The following LTBP1 variants were observed in gnomAD, a reference collection of about 807,000 sequenced individuals.
LTBP1 encodes the protein latent-transforming growth factor beta-binding protein 1.
A neutral mutation model predicts 207.6 loss-of-function variants in LTBP1; 129 were observed. The observed-to-expected ratio is 0.62, with a 90% confidence interval of 0.54 to 0.72. The LOEUF (loss-of-function observed/expected upper bound fraction) is 0.72, where lower values mean the gene tolerates loss of function less well. LTBP1 is among the 30% of genes least tolerant of loss of function. The pLI is 0.00. For synonymous variants in LTBP1, 963 were observed against 833.7 expected (o/e 1.16, Z -2.67); for missense variants, 2,281 against 2,217.2 (o/e 1.03, Z -0.58).
At chr2:33,365,849 A>G (rs1245791530) in intron 31 of LTBP1, among the ~76,000 whole-genome samples, 1 of 152,198 alleles carries the variant, frequency 6.6e-6, no homozygotes, top group African/African-American at 2.4e-5. Context: ...CATTCCTAAC[A>G]GTTTCTACTT....
At chr2:33,307,194 G>A (rs1480163625) in intron 22 of LTBP1, among the ~76,000 whole-genome samples, 1 of 152,208 alleles carries the variant, frequency 6.6e-6, no homozygotes. Flanking sequence ...TTTCCTGTGG[G>A]AATGTAATTG....
intron 3 of LTBP1, among the ~76,000 whole-genome samples, chr2:33,048,566 G>A (rs2076564424): frequency 1.3e-5 from 2 of 152,320 alleles, no homozygotes; most frequent in Non-Finnish European, 2.9e-5. Context: ...TTGTACTTAT[G>A]TTTACTTCTG....
At chr2:33,118,845 G>A (rs995370056) in intron 4 of LTBP1, among the ~76,000 whole-genome samples, 1 of 152,270 alleles carries the variant, frequency 6.6e-6, no homozygotes, top group East Asian at 1.9e-4. Flanking sequence ...GAAGCCGTAC[G>A]AACATGATTA....
intron 2 of LTBP1, among the ~76,000 whole-genome samples, chr2:32,950,875 T>TG (rs1454130913): frequency 6.6e-6 from 1 of 152,178 alleles, no homozygotes; most frequent in African/African-American, 2.4e-5. Context: ...TCAGGTTGCT[T>TG]GGGGAATTCG....
chr2:33,207,435 A>G (rs982714780), intron 7 of LTBP1, among the ~76,000 whole-genome samples: 1 of 152,208 alleles, frequency 6.6e-6, no homozygotes, highest in African/African-American at 2.4e-5. Context: ...AGAGGATTAT[A>G]GTTGTATCAG....
At chr2:33,328,171 T>TAAATAAATAAATAAAAA (rs1559019584) in intron 24 of LTBP1, among the ~76,000 whole-genome samples, 3 of 73,324 alleles carry the variant, frequency 4.1e-5, no homozygotes, top group Non-Finnish European at 8.8e-5. Context: ...ATAAATAAAA[T>TAAATAAATAAATAAAAA]AAAAATAAAA....
intron 20 of LTBP1, among the ~76,000 whole-genome samples, chr2:33,294,810 C>A (rs993684104): frequency 2.6e-5 from 4 of 151,694 alleles, no homozygotes; most frequent in Admixed American, 2.6e-4. Flanking sequence ...AACTCCTGAC[C>A]TTTTGATCCA....
intron 9 of LTBP1, among the ~76,000 whole-genome samples, chr2:33,223,360 C>T (rs1306014763): frequency 6.6e-6 from 1 of 152,176 alleles, no homozygotes; most frequent in African/African-American, 2.4e-5. Context: ...CTTTGAAAGA[C>T]TTTGTCTTAA....
At chr2:33,369,082 T>G (rs2095035176) in intron 31 of LTBP1, among the ~76,000 whole-genome samples, 1 of 151,984 alleles carries the variant, frequency 6.6e-6, no homozygotes, top group South Asian at 2.1e-4. Context: ...TCAACTAAAG[T>G]TTTCAAAAAA....
chr2:33,353,458 T>C (rs2094810532), intron 26 of LTBP1, among the ~76,000 whole-genome samples: 1 of 152,206 alleles, frequency 6.6e-6, no homozygotes, highest in Non-Finnish European at 1.5e-5. Context: ...CTGCATCCAC[T>C]GCAAAACAGC....
intron 3 of LTBP1, among the ~76,000 whole-genome samples, chr2:33,074,885 A>G: frequency 8.6e-6 from 1 of 116,656 alleles, no homozygotes; most frequent in Non-Finnish European, 1.8e-5. Flanking sequence ...AAAAAAAAAA[A>G]AAAAAAAAAA....
chr2:33,183,082 G>T (rs1277078428), intron 5 of LTBP1, among the ~76,000 whole-genome samples: 1 of 151,664 alleles, frequency 6.6e-6, no homozygotes, highest in Non-Finnish European at 1.5e-5. Context: ...CTTTTCTTTT[G>T]TGTACTGTCG....
chr2:33,052,184 G>A (rs1162031958), intron 3 of LTBP1, among the ~76,000 whole-genome samples: 27 of 152,202 alleles, frequency 1.8e-4, no homozygotes, highest in Admixed American at 1.8e-3. Flanking sequence ...GGAGGGCCAC[G>A]TCATTCGACC....
intron 3 of LTBP1, among the ~76,000 whole-genome samples, chr2:33,031,488 T>G (rs2075687877): frequency 6.6e-6 from 1 of 152,220 alleles, no homozygotes; most frequent in African/African-American, 2.4e-5. Context: ...CAGGCTAATG[T>G]GTCTGCAAAA....
chr2:33,152,909 T>C (rs1304398569), intron 5 of LTBP1, among the ~76,000 whole-genome samples: 2 of 152,252 alleles, frequency 1.3e-5, no homozygotes, highest in African/African-American at 4.8e-5. Context: ...TGAGTTTTAA[T>C]AGTGGTGCTG....
chr2:33,342,964 G>A lies in LTBP1; in HGVS notation c.3856+1G>A, dbSNP rs749452028. 1 of 1,608,974 alleles carries A rather than the reference G, an allele frequency of 6.2e-7. No individual in the cohort carries two copies. Among genetic ancestry groups the A allele is most frequent in the Non-Finnish European group, 8.5e-7 (1 of 1,177,596 alleles). On this transcript the variant is annotated splice_donor_variant, in intron 25 of 33. Coordinates refer to ENST00000404816, the MANE Select transcript of LTBP1 (RefSeq NM_206943.4). LOFTEE classifies it high-confidence loss of function. ...CCACAGGATGGGCAAGGGTGTGTGG[G>A]TGAGTTTTTAGATTTTTTCCCAACG...
intron 4 of LTBP1, among the ~76,000 whole-genome samples, chr2:33,127,721 G>C (rs1480880477): frequency 6.6e-6 from 1 of 152,216 alleles, no homozygotes; most frequent in East Asian, 1.9e-4. Flanking sequence ...AAAGAGTCAA[G>C]AGACAATGGA....
intron 19 of LTBP1, among the ~76,000 whole-genome samples, chr2:33,284,472 G>T (rs79394121): frequency 0.016 from 2,393 of 152,062 alleles, 38 homozygotes; most frequent in Middle Eastern, 0.1. Flanking sequence ...TTCGTCATTC[G>T]GCACTGTATT....
chr2:33,218,677 G>T (rs1024596035), intron 8 of LTBP1, among the ~76,000 whole-genome samples: 1 of 152,194 alleles, frequency 6.6e-6, no homozygotes, highest in Non-Finnish European at 1.5e-5. Flanking sequence ...GATTACAGGC[G>T]TGAGCCACTG....
Sources: allele counts gnomAD v4.1 joint callset (sites outside exome capture counted in the v4.1 genomes callset), GRCh38; gene constraint gnomAD v4.1.1; transcripts MANE v1.5; gene names NCBI Gene and HGNC (gene_info 2026-07-23, HGNC 2026-07-21).